The following FER1L6 variants were observed in gnomAD, a reference collection of about 807,000 sequenced individuals.
FER1L6 encodes fer-1-like protein 6.
Under a neutral mutation model 219.2 loss-of-function variants are expected in FER1L6, and 177 were observed. That is an observed-to-expected ratio of 0.81 (90% CI 0.71 to 0.91). The LOEUF (loss-of-function observed/expected upper bound fraction) is 0.91, where lower values mean the gene tolerates loss of function less well. FER1L6 is among the 40% of genes least tolerant of loss of function. FER1L6 has a pLI of 0.00. For synonymous variants in FER1L6, 768 were observed against 824.3 expected (o/e 0.93, Z 1.17); for missense variants, 2,153 against 2,259.9 (o/e 0.95, Z 0.96).
At chr8:124,086,875 GT>G (rs970972259) in intron 33 of FER1L6, among the ~76,000 whole-genome samples, 7 of 152,058 alleles carry the variant, frequency 4.6e-5, no homozygotes, top group Admixed American at 1.3e-4. Context: ...TAAGCTAAAA[GT>G]TTTTTTTCCT....
intron 1 of FER1L6, among the ~76,000 whole-genome samples, chr8:123,871,456 C>A (rs996279420): frequency 3.3e-5 from 5 of 152,004 alleles, no homozygotes; most frequent in Admixed American, 6.6e-5. Context: ...AACACCAACC[C>A]CCTGCCCACT....
At chr8:124,119,408 A>T (rs1164048335) in intron 40 of FER1L6, among the ~76,000 whole-genome samples, 199 bp from the exon 41 acceptor site, 1 of 152,080 alleles carries the variant, frequency 6.6e-6, no homozygotes, top group Non-Finnish European at 1.5e-5. Context: ...CTCCACACCA[A>T]CCTTTAACCA....
intron 11 of FER1L6, 44 bp downstream of exon 11, chr8:123,980,855 A>C (rs924604024): frequency 6.7e-7 from 1 of 1,500,400 alleles, no homozygotes; most frequent in Non-Finnish European, 9.1e-7. Context: ...TATGAGGTGA[A>C]CCAGAGCAGG....
At chr8:124,116,822 T>G (rs1823269438) in intron 39 of FER1L6, among the ~76,000 whole-genome samples, 1 of 152,208 alleles carries the variant, frequency 6.6e-6, no homozygotes, top group African/African-American at 2.4e-5. Flanking sequence ...TAAGACTGTT[T>G]TGTACATTGG....
chr8:123,934,754 C>G (rs1054984608), intron 1 of FER1L6, among the ~76,000 whole-genome samples: 1 of 152,052 alleles, frequency 6.6e-6, no homozygotes, highest in Non-Finnish European at 1.5e-5. Context: ...TTATAATCCC[C>G]ACGTGTTGGG....
rs952390711 is a variant in FER1L6 at position 123,853,037 on chromosome 8, C to T, written c.-8+852C>T. Reference sequence around the variant, plus strand: ...TATTCTTATTTTTGTAGAGACGGGGCCTCGCTATGTTGCTCAGGTTGGTCT... The same window carrying T: ...TATTCTTATTTTTGTAGAGACGGGGTCTCGCTATGTTGCTCAGGTTGGTCT... On this transcript the variant is annotated intron_variant, in intron 1 of 40. Transcript: ENST00000522917. The surrounding 1 kb of genome is among the most constrained non-coding windows in gnomAD (Gnocchi z 6.6). Among the ~76,000 whole-genome samples the T allele has an allele frequency of 6.6e-6, 1 of 152,136 alleles. No individual in the cohort carries two copies. Among genetic ancestry groups the T allele is most frequent in the Non-Finnish European group, 1.5e-5 (1 of 68,030 alleles).
At chr8:123,916,314 G>A (rs1813189855) in intron 1 of FER1L6, among the ~76,000 whole-genome samples, 1 of 152,204 alleles carries the variant, frequency 6.6e-6, no homozygotes, top group Non-Finnish European at 1.5e-5. Context: ...GATGGCACCT[G>A]GAACAAAGAT....
intron 10 of FER1L6, among the ~76,000 whole-genome samples, chr8:123,979,371 A>C (rs748342110): frequency 1.3e-5 from 2 of 152,196 alleles, no homozygotes; most frequent in African/African-American, 4.8e-5. Context: ...CTGGGGCTCA[A>C]AATTAAAGAT....
At chr8:124,037,112 G>A (rs552401522) in intron 19 of FER1L6, among the ~76,000 whole-genome samples, 1 of 152,202 alleles carries the variant, frequency 6.6e-6, no homozygotes, top group Non-Finnish European at 1.5e-5. Flanking sequence ...AACATAACTA[G>A]TAAGACTCAA....
Position 124,103,309 on chromosome 8 carries a change from A to G in FER1L6, c.5289A>G (p.Thr1763=). 6.2e-7 allele frequency: 1 copy of G among 1,613,706 alleles called. No individual in the cohort carries two copies. The highest frequency in any genetic ancestry group is 8.5e-7 in the Non-Finnish European group (1 of 1,179,748). Residue 1763 remains threonine (T), a splice_region_variant and synonymous_variant, in exon 39 of 41, where the codon ACA becomes ACG. Transcript: ENST00000522917. ...WWPFSKSKEL[T]GKVEAEFHLV... is the part of the protein sequence containing the mutation. ...CTTTTTCTAAAAGCAAAGAACTCAC[A>G]GTAAGTGACAGCTATGGGAGGTGGA... is the stretch of plus-strand genomic sequence containing the variant.
chr8:123,970,424 GT>G (rs147021837), intron 6 of FER1L6, among the ~76,000 whole-genome samples: 2 of 151,286 alleles, frequency 1.3e-5, no homozygotes, highest in African/African-American at 4.9e-5. Flanking sequence ...GTTTTAGTTT[GT>G]TTTTTTTTAA....
chr8:123,861,938 A>G (rs1816753022), intron 1 of FER1L6, among the ~76,000 whole-genome samples: 1 of 83,608 alleles, frequency 1.2e-5, no homozygotes, highest in Non-Finnish European at 2.2e-5. Flanking sequence ...GGACAATTTG[A>G]CTTCCTCTTT....
chr8:124,006,136 T>C (rs1405586366), intron 13 of FER1L6, among the ~76,000 whole-genome samples: 1 of 152,234 alleles, frequency 6.6e-6, no homozygotes, highest in Admixed American at 6.5e-5. Context: ...TCTGGGGGAC[T>C]GTTCTGAGAC....
chr8:124,066,753 G>A (rs1172801488), intron 27 of FER1L6, among the ~76,000 whole-genome samples: 1 of 152,156 alleles, frequency 6.6e-6, no homozygotes, highest in African/African-American at 2.4e-5. Flanking sequence ...TTTGGCTGGA[G>A]CTGGCCCTAG....
At chr8:124,095,409 A>C (rs1351561661) in intron 35 of FER1L6, among the ~76,000 whole-genome samples, 1 of 152,188 alleles carries the variant, frequency 6.6e-6, no homozygotes, top group Non-Finnish European at 1.5e-5. Context: ...AACTTAACCC[A>C]TTGGGTATGC....
Position 123,955,978 on chromosome 8 carries a change from T to C in FER1L6, c.-7-14T>C, listed in dbSNP as rs1410101016. The C allele has an allele frequency of 6.3e-7, 1 of 1,598,712 alleles. No homozygotes were observed. The highest frequency in any genetic ancestry group is 8.5e-7 in the Non-Finnish European group (1 of 1,172,418). On this transcript the variant is annotated splice_polypyrimidine_tract_variant and intron_variant, in intron 1 of 40. Transcript: ENST00000522917. ...TCAAAGTTTTTATTGTTTCTTTTTT[T>C]TTCTTCTTTTCAGAAAGGGGATGTT...
At chr8:124,013,288 A>C in intron 14 of FER1L6, 143 bp from the exon 15 acceptor site, 1 of 481,216 alleles carries the variant, frequency 2.1e-6, no homozygotes. Flanking sequence ...TTCCAATTCA[A>C]GTACAAGAAA....
At chr8:123,908,627 A>G (rs1321337830) in intron 1 of FER1L6, among the ~76,000 whole-genome samples, 2 of 152,210 alleles carry the variant, frequency 1.3e-5, no homozygotes, top group Non-Finnish European at 2.9e-5. Context: ...GATATTTACT[A>G]AGTGTAAGGA....
chr8:123,916,287 T>G (rs1466422255), intron 1 of FER1L6, among the ~76,000 whole-genome samples: 1 of 152,242 alleles, frequency 6.6e-6, no homozygotes, highest in East Asian at 1.9e-4. Flanking sequence ...TCAGTCTTAC[T>G]GTCTTCCAGA....
Sources: gnomAD v4.1 joint callset for allele counts (sites outside exome capture counted in the v4.1 genomes callset) on GRCh38, gnomAD v4.1.1 for gene constraint, Gnocchi (gnomAD v3.1) non-coding constraint, MANE v1.5 for transcripts, NCBI Gene and HGNC (gene_info 2026-07-23, HGNC 2026-07-21) for gene names.